The following ATP7A variants were observed in gnomAD, a reference collection of about 807,000 sequenced individuals.
The protein encoded by ATP7A is ATPase copper transporting alpha.
A neutral mutation model predicts 83.5 loss-of-function variants in ATP7A; 7 were observed. The observed-to-expected ratio is 0.08, with a 90% CI of 0.05 to 0.16. The LOEUF is 0.16. Ranked by LOEUF, ATP7A falls within the 10% of genes least tolerant of loss-of-function variation. The pLI, the probability that ATP7A is intolerant of heterozygous loss-of-function variation, is 1.00. For synonymous variants in ATP7A, 354 were observed against 395.2 expected (o/e 0.90, Z 1.24); for missense variants, 940 against 1,120.8 (o/e 0.84, Z 2.30).
chrX:78,047,554 T>G lies in ATP7A; in HGVS notation c.*984T>G, dbSNP rs1569550386. The G allele has an allele frequency of 9.0e-6, 1 of 110,836 alleles. No homozygotes were observed. Among genetic ancestry groups the G allele is most frequent in the Admixed American group, 9.6e-5 (1 of 10,396 alleles). The allele number at this position is 110,836 out of a possible 1,213,427, so 9.1% of individuals were successfully genotyped here. A position where few individuals can be genotyped will look rare whatever the true frequency, so the allele number is the denominator to read the frequency against. ...AAATTACCTGGATTCACTAAATTTG[T>G]TTGTTGTTGTTGTTGTTGTTGTTGT... On this transcript the variant is annotated 3_prime_UTR_variant, in exon 23 of 23. Transcript: ENST00000341514.
At chrX:78,041,889 G>A (rs2078051294) in intron 19 of ATP7A, among the ~76,000 whole-genome samples, 1 of 109,629 alleles carries the variant, frequency 9.1e-6, no homozygotes, top group African/African-American at 3.3e-5. Flanking sequence ...AGGCTGAAGT[G>A]GGCAGATCAC....
intron 1 of ATP7A, among the ~76,000 whole-genome samples, chrX:77,911,160 C>T (rs868984005): frequency 8.9e-6 from 1 of 112,195 alleles, no homozygotes. Flanking sequence ...GGACTGGGGT[C>T]TTTGCTTAGT....
At chrX:77,936,501 A>G (rs2077320339) in intron 1 of ATP7A, among the ~76,000 whole-genome samples, 1 of 112,092 alleles carries the variant, frequency 8.9e-6, no homozygotes, top group Non-Finnish European at 1.9e-5. Flanking sequence ...TGCAACCATC[A>G]CTACCATCCA....
chrX:77,972,041 C>T (rs1460254747), intron 2 of ATP7A, among the ~76,000 whole-genome samples: 1 of 111,424 alleles, frequency 9.0e-6, no homozygotes, highest in Non-Finnish European at 1.9e-5. Flanking sequence ...TATTTATATA[C>T]TGTTTATTAC....
In ATP7A at chrX:77,998,485, T is replaced by C. The variant is rs2149087769; in HGVS notation, c.1344T>C (p.Asn448=). ...MGFDATLSDT[N]EPLVVIAQPS... is the part of the protein sequence containing the mutation. ...TCTTTCCCTTTCTACCAGACACGAA[T>C]GAGCCGTTGGTAGTAATAGCTCAGC... Residue 448 remains asparagine (N), a synonymous_variant, in exon 5 of 23, where the codon AAT becomes AAC. Coordinates refer to ENST00000341514, the MANE Select transcript of ATP7A (RefSeq NM_000052.7). The C allele has an allele frequency of 1.7e-6, 2 of 1,211,331 alleles. No homozygotes were observed. Among genetic ancestry groups the C allele is most frequent in the African/African-American group, 1.7e-5 (1 of 57,865 alleles).
chrX:78,043,318 A>G lies in ATP7A; in HGVS notation c.4007A>G (p.Asn1336Ser), dbSNP rs1557238670. 8.5e-7 allele frequency: 1 copy of G among 1,176,651 alleles called. No homozygotes were observed. The highest frequency in any genetic ancestry group is 1.2e-6 in the Non-Finnish European group (1 of 863,684). Reference sequence around the variant, plus strand: ...TATCACAAATATTTCTGTTCTTAGAATGATCTTCTGGATGTAGTGGCAAGT... The same window carrying G: ...TATCACAAATATTTCTGTTCTTAGAGTGATCTTCTGGATGTAGTGGCAAGT... The part of the protein sequence containing the change: ...IEAADVVLIR[N>S]DLLDVVASID... Residue 1336 changes from asparagine (N) to serine (S), a missense_variant and splice_region_variant, in exon 21 of 23, where the codon AAT becomes AGT. By Grantham distance (46) the Asn-to-Ser change is conservative. Around this residue, in one of 3 missense-constraint regions of ATP7A, gnomAD observed 386 missense variants for 502.2 expected, o/e 0.77. Transcript: ENST00000341514.
At chrX:77,914,676 TTACAGGCA>T (rs1391150477) in intron 1 of ATP7A, among the ~76,000 whole-genome samples, 7 of 110,879 alleles carry the variant, frequency 6.3e-5, no homozygotes, top group African/African-American at 2.3e-4. Context: ...AGTGCTGGGA[TTACAGGCA>T]TGAGCCACTG....
chrX:78,043,220 A>T (rs1228617074), intron 20 of ATP7A, 97 bp from the exon 21 acceptor site: 1 of 629,908 alleles, frequency 1.6e-6, no homozygotes, highest in East Asian at 3.3e-5. Flanking sequence ...ATATTACCCT[A>T]AGGTAGACGT....
At chrX:77,956,788 T>TTTCTTTCTTTCTTTCTTTC (rs1205697788) in intron 1 of ATP7A, among the ~76,000 whole-genome samples, 3 of 66,815 alleles carry the variant, frequency 4.5e-5, no homozygotes, top group African/African-American at 1.7e-4. Flanking sequence ...TCTTTCTTTC[T>TTTCTTTCTTTCTTTCTTTC]CTTTCTTTCT....
intron 6 of ATP7A, among the ~76,000 whole-genome samples, chrX:78,007,368 C>A (rs970828098): frequency 1.8e-5 from 2 of 110,982 alleles, no homozygotes; most frequent in Non-Finnish European, 3.8e-5. Flanking sequence ...CTCTGTCGCC[C>A]AGGCTGGAGT....
intron 1 of ATP7A, chrX:77,962,578 G>A (rs1421036317): frequency 1.2e-5 from 4 of 332,728 alleles, no homozygotes; most frequent in African/African-American, 1.0e-4. Context: ...GGTGTTATGA[G>A]TTTCTTCACA....
intron 1 of ATP7A, among the ~76,000 whole-genome samples, chrX:77,934,125 T>G (rs781830681): frequency 8.9e-6 from 1 of 112,009 alleles, no homozygotes; most frequent in Admixed American, 9.5e-5. Context: ...TTAAAATGTC[T>G]TTTCTAGGCC....
chrX:77,974,928 G>A (rs1226580387), intron 2 of ATP7A: 3 of 261,754 alleles, frequency 1.1e-5, no homozygotes, highest in Non-Finnish European at 1.3e-5. Flanking sequence ...TGCACATTGT[G>A]CAGGTTAGTT....
chrX:77,914,312 G>A (rs782556305), intron 1 of ATP7A, among the ~76,000 whole-genome samples: 3 of 110,112 alleles, frequency 2.7e-5, no homozygotes, highest in Non-Finnish European at 5.7e-5. Flanking sequence ...GTGCAGTGGC[G>A]CCATCATAAC....
At position 78,005,640 on chromosome X, in the gene ATP7A, G is replaced by A. The variant is rs782148467; in HGVS notation, c.1707+2404G>A. 1.6e-4 allele frequency among the ~76,000 whole-genome samples: 13 copies of A among 83,050 alleles called. No individual in the cohort carries two copies. The South Asian group carries it at 2.1e-3, about 14-fold the overall frequency. 72.1% of individuals were successfully genotyped at this position (83,050 alleles called of 115,157 possible). A position where few individuals can be genotyped will look rare whatever the true frequency, so the allele number is the denominator to read the frequency against. ...GGAGGTTGTAGTGAGCCAAGATCAC[G>A]CCATTGCACTCCAACCTGGGCAACA... On this transcript the variant is annotated intron_variant, in intron 6 of 22. Transcript: ENST00000341514.
Position 77,998,542 on chromosome X carries a change from T to C in ATP7A, c.1401T>C (p.Thr467=). The C allele has an allele frequency of 8.3e-7, 1 of 1,211,755 alleles. No individual in the cohort carries two copies. Among genetic ancestry groups the C allele is most frequent in the Non-Finnish European group, 1.1e-6 (1 of 895,446 alleles). The part of the protein sequence containing the change: ...PSSEMPLLTS[T]NEFYTKGMTP... ...CGGAAATGCCGCTTTTGACTTCAAC[T>C]AATGAATTTTATACTAAAGGGATGA... is the stretch of plus-strand genomic sequence containing the variant. The change falls in exon 5 of 23, where the codon ACT becomes ACC. Residue 467 remains threonine, a synonymous_variant. Transcript: ENST00000341514.
chrX:77,953,426 T>G (rs1557227013), intron 1 of ATP7A, among the ~76,000 whole-genome samples: 1 of 111,659 alleles, frequency 9.0e-6, no homozygotes, highest in Non-Finnish European at 1.9e-5. Context: ...ACTCAAAGAT[T>G]CCTGCACCAA....
chrX:78,032,998 G>A (rs925963734), intron 16 of ATP7A, among the ~76,000 whole-genome samples: 2 of 112,138 alleles, frequency 1.8e-5, no homozygotes, highest in South Asian at 3.7e-4. Context: ...ACTTGACTAT[G>A]GAGTTAAAAA....
intron 5 of ATP7A, among the ~76,000 whole-genome samples, chrX:77,999,301 A>C (rs1348248326): frequency 9.0e-6 from 1 of 111,279 alleles, no homozygotes; most frequent in Non-Finnish European, 1.9e-5. Flanking sequence ...ACGGCCCATA[A>C]ATTTTCTTCT....
Sources: allele counts gnomAD v4.1 joint callset (sites outside exome capture counted in the v4.1 genomes callset), GRCh38; gene constraint gnomAD v4.1.1; regional missense constraint gnomAD v4.1.1; transcripts MANE v1.5; gene names NCBI Gene and HGNC (gene_info 2026-07-23, HGNC 2026-07-21).